Variants in ARHGDIB observed in about 807,000 individuals in gnomAD.
ARHGDIB encodes the protein rho GDP-dissociation inhibitor 2.
A neutral mutation model predicts 22.6 loss-of-function variants in ARHGDIB; 20 were observed. That is an observed-to-expected ratio of 0.88 (90% CI 0.62 to 1.28). The LOEUF is 1.28. Among genes scored for constraint, ARHGDIB ranks in the 50% most tolerant of loss-of-function variants. The pLI is 0.00. For synonymous variants in ARHGDIB, 114 were observed against 96.1 expected (o/e 1.19, Z -1.09); for missense variants, 254 against 245.4 (o/e 1.04, Z -0.23).
chr12:14,944,708 T>C, intron 5 of ARHGDIB, 68 bp downstream of exon 5: 6 of 1,491,058 alleles, frequency 4.0e-6, no homozygotes, highest in Non-Finnish European at 4.6e-6. Context: ...TAAAAGTTGC[T>C]AATAACCAGA....
At position 14,947,862 on chromosome 12, in the gene ARHGDIB, A is replaced by T; in HGVS notation, c.342+11T>A. 6.3e-7 allele frequency: 1 copy of T among 1,590,782 alleles called. No individual in the cohort carries two copies. The highest frequency in any genetic ancestry group is 8.6e-7 in the Non-Finnish European group (1 of 1,158,770). On this transcript the variant is annotated intron_variant, in intron 4 of 5. Coordinates refer to ENST00000228945, the MANE Select transcript of ARHGDIB (RefSeq NM_001175.7). Reference sequence around the variant, plus strand: ...TAAACTTTACAAAAACACACAAGGCAGGATACTTACTTTGAAGTGAATTTT... The same window carrying T: ...TAAACTTTACAAAAACACACAAGGCTGGATACTTACTTTGAAGTGAATTTT...
rs181353951 is a variant in ARHGDIB, at chr12:14,942,871, T to A, written c.407-150A>T. 7.5e-4 allele frequency: 494 copies of A among 656,812 alleles called. 1 individual carries two copies. Among genetic ancestry groups the A allele is most frequent in the Middle Eastern group, 1.7e-3 (4 of 2,320 alleles). The allele number at this position is 656,812 out of a possible 1,614,324, so 40.7% of individuals were successfully genotyped here. ...ATAAACATTAGATTTACCTGAGGCA[T>A]CTTTTTTTTTTTTTAAGATGGAGTT... On this transcript the variant is annotated intron_variant, in intron 5 of 5. Coordinates refer to ENST00000228945, the MANE Select transcript of ARHGDIB (RefSeq NM_001175.7).
intron 5 of ARHGDIB, among the ~76,000 whole-genome samples, chr12:14,943,818 C>T: frequency 6.6e-6 from 1 of 152,266 alleles, no homozygotes; most frequent in East Asian, 1.9e-4. Context: ...CTAAGTGTTG[C>T]TAATAAGTTT....
chr12:14,958,667 T>G (rs1486334799), intron 1 of ARHGDIB, among the ~76,000 whole-genome samples: 1 of 152,202 alleles, frequency 6.6e-6, no homozygotes, highest in African/African-American at 2.4e-5. Context: ...CTCAATATAT[T>G]CACAAAAGTT....
chr12:14,943,176 T>C (rs1243096122), intron 5 of ARHGDIB, among the ~76,000 whole-genome samples: 2 of 152,136 alleles, frequency 1.3e-5, no homozygotes, highest in African/African-American at 4.8e-5. Flanking sequence ...CCCTGAGGCA[T>C]CTTTTTAAAA....
intron 1 of ARHGDIB, among the ~76,000 whole-genome samples, chr12:14,952,277 CAA>C (rs3084566): frequency 0.015 from 1,958 of 127,280 alleles, 50 homozygotes; most frequent in African/African-American, 0.054. Context: ...TTAATGGAAC[CAA>C]AAAAAAAAAA....
chr12:14,954,323 C>G (rs1263897229), intron 1 of ARHGDIB, among the ~76,000 whole-genome samples: 1 of 152,210 alleles, frequency 6.6e-6, no homozygotes, highest in Non-Finnish European at 1.5e-5. Flanking sequence ...TAGTCTCAAG[C>G]TGAGAGTCAT....
At chr12:14,953,009 A>G (rs1389544106) in intron 1 of ARHGDIB, among the ~76,000 whole-genome samples, 3 of 152,226 alleles carry the variant, frequency 2.0e-5, no homozygotes, top group Non-Finnish European at 4.4e-5. Flanking sequence ...GATTAGGTAT[A>G]GGACAAGATT....
At chr12:14,945,588 C>G (rs1249418109) in intron 4 of ARHGDIB, among the ~76,000 whole-genome samples, 1 of 152,238 alleles carries the variant, frequency 6.6e-6, no homozygotes, top group Non-Finnish European at 1.5e-5. Context: ...TCTATACAAA[C>G]AAATTAAAGT....
intron 1 of ARHGDIB, among the ~76,000 whole-genome samples, chr12:14,959,156 C>A (rs952636166): frequency 5.9e-5 from 9 of 152,180 alleles, no homozygotes; most frequent in African/African-American, 2.2e-4. Context: ...TGGTGGCTCA[C>A]GCCTTTAATC....
rs141411522 is a variant in ARHGDIB, at chr12:14,954,119, C to T, written c.-12-3395G>A. Among the ~76,000 whole-genome samples the T allele has an allele frequency of 1.9e-3, 286 of 152,180 alleles. 1 individual carries two copies. The highest frequency in any genetic ancestry group is 6.1e-3 in the African/African-American group (253 of 41,504). Reference sequence around the variant, plus strand: ...TCAGCCTTCTGAGTAGCTGGGACTACGGGCACATGCCACCTGCCTGGCTAA... The same window carrying T: ...TCAGCCTTCTGAGTAGCTGGGACTATGGGCACATGCCACCTGCCTGGCTAA... On this transcript the variant is annotated intron_variant, in intron 1 of 5. Transcript: ENST00000228945.
chr12:14,959,701 T>G (rs1211690731), intron 1 of ARHGDIB, among the ~76,000 whole-genome samples: 1 of 152,124 alleles, frequency 6.6e-6, no homozygotes, highest in African/African-American at 2.4e-5. Context: ...AGAACCTTAA[T>G]GTTGCTCAGA....
intron 1 of ARHGDIB, among the ~76,000 whole-genome samples, chr12:14,954,816 A>G (rs1047489574): frequency 5.9e-5 from 9 of 152,302 alleles, no homozygotes; most frequent in African/African-American, 1.9e-4. Context: ...CTAAGTGAGT[A>G]GACATTAGCT....
At chr12:14,951,472 A>T (rs1864174807) in intron 1 of ARHGDIB, among the ~76,000 whole-genome samples, 1 of 152,202 alleles carries the variant, frequency 6.6e-6, no homozygotes, top group Non-Finnish European at 1.5e-5. Context: ...ATTCTTTTTA[A>T]ATGCCACAAA....
At chr12:14,956,727 G>C (rs1021766466) in intron 1 of ARHGDIB, among the ~76,000 whole-genome samples, 1 of 152,140 alleles carries the variant, frequency 6.6e-6, no homozygotes. Flanking sequence ...TCACAGATGC[G>C]CATACAGATT....
intron 1 of ARHGDIB, among the ~76,000 whole-genome samples, chr12:14,954,280 T>C (rs1452547866): frequency 6.6e-6 from 1 of 152,148 alleles, no homozygotes; most frequent in Non-Finnish European, 1.5e-5. Flanking sequence ...AGCTTGCTTT[T>C]TCCTGGAGCT....
At chr12:14,944,137 C>A (rs1035659679) in intron 5 of ARHGDIB, among the ~76,000 whole-genome samples, 2 of 151,274 alleles carry the variant, frequency 1.3e-5, no homozygotes, top group Admixed American at 6.6e-5. Flanking sequence ...CTGTAAAGTG[C>A]CTCCATCACC....
intron 5 of ARHGDIB, among the ~76,000 whole-genome samples, chr12:14,943,569 G>A (rs1159697505): frequency 1.3e-5 from 2 of 152,088 alleles, no homozygotes; most frequent in African/African-American, 2.4e-5. Flanking sequence ...TCTACAAACT[G>A]TCATTCTATG....
chr12:14,953,358 T>C (rs1282129856), intron 1 of ARHGDIB, among the ~76,000 whole-genome samples: 3 of 152,146 alleles, frequency 2.0e-5, no homozygotes, highest in African/African-American at 7.2e-5. Context: ...AGAGTAATAA[T>C]ACAACAAATA....
Sources: gnomAD v4.1 joint callset for allele counts (sites outside exome capture counted in the v4.1 genomes callset) on GRCh38, gnomAD v4.1.1 for gene constraint, MANE v1.5 for transcripts, NCBI Gene and HGNC (gene_info 2026-07-23, HGNC 2026-07-21) for gene names.